Variants in TFB1M observed in about 807,000 individuals in gnomAD.
TFB1M encodes the protein transcription factor B1, mitochondrial, also known as dimethyladenosine transferase 1, mitochondrial.
In TFB1M, 27 loss-of-function variants were observed where a neutral mutation model predicts 31.1. That is an observed-to-expected ratio of 0.87 (90% CI 0.64 to 1.20). TFB1M has a LOEUF of 1.20. Among genes scored for constraint, TFB1M ranks in the 50% most tolerant of loss-of-function variants. The probability of loss-of-function intolerance (pLI) is 0.00; values close to 1 mark genes in which losing one functional copy is unlikely to be tolerated. For missense variants in TFB1M, 394 were observed against 418.7 expected (o/e 0.94, Z 0.51); for synonymous variants, 166 against 151.8 (o/e 1.09, Z -0.69).
Position 155,257,147 on chromosome 6 carries a change from A to C in TFB1M, c.*689T>G, listed in dbSNP as rs1784106321. On this transcript the variant is annotated 3_prime_UTR_variant, in exon 7 of 7. Coordinates refer to ENST00000367166, the MANE Select transcript of TFB1M (RefSeq NM_016020.4). ...TATGATTCAATCCAGATATGGGTTA[A>C]ATTCCTCATTTTACTTTTAAACTGG... 1.2e-6 allele frequency: 2 copies of C among 1,603,098 alleles called. No homozygotes were observed. The highest frequency in any genetic ancestry group is 2.2e-5 in the East Asian group (1 of 44,696).
intron 2 of TFB1M, among the ~76,000 whole-genome samples, chr6:155,310,504 C>T (rs945719705): frequency 2.0e-5 from 3 of 152,292 alleles, no homozygotes; most frequent in African/African-American, 4.8e-5. Context: ...ATCCTATGTA[C>T]CCCCAACCTT....
downstream of TFB1M, among the ~76,000 whole-genome samples, chr6:155,252,730 A>G (rs1783742668): frequency 6.6e-6 from 1 of 152,184 alleles, no homozygotes; most frequent in Admixed American, 6.5e-5. Context: ...TGAGACCTGT[A>G]ACTGCTTCTG....
chr6:155,279,296 T>C lies in TFB1M; in HGVS notation c.666+5862A>G, dbSNP rs535040565. On this transcript the variant is annotated intron_variant, in intron 5 of 6. Coordinates refer to ENST00000367166, the MANE Select transcript of TFB1M (RefSeq NM_016020.4). ...CATCTAGTAATTCTGACAAAAATGA[T>C]AGACTTAAATTAAGTCAGAAGAATT... 2.6e-5 allele frequency among the ~76,000 whole-genome samples: 4 copies of C among 152,164 alleles called. No individual in the cohort carries two copies. In the South Asian group the frequency reaches 8.3e-4, roughly 32 times the overall value.
the TFB1M span, chr6:155,244,920 C>A: frequency 8.9e-7 from 1 of 1,119,264 alleles, no homozygotes; most frequent in Non-Finnish European, 1.2e-6. Context: ...TATTTCCTTG[C>A]ACCGTTTTCC....
At chr6:155,314,257 A>C in intron 1 of TFB1M, 39 bp downstream of exon 1, 1 of 1,610,294 alleles carries the variant, frequency 6.2e-7, no homozygotes, top group Non-Finnish European at 8.5e-7. Context: ...CCCCACGGAC[A>C]CTGGGGAGAC....
At chr6:155,297,424 G>T (rs1001706909) in intron 3 of TFB1M, among the ~76,000 whole-genome samples, 34 of 152,174 alleles carry the variant, frequency 2.2e-4, no homozygotes, top group Admixed American at 2.2e-3. Flanking sequence ...TGAGGTTAAA[G>T]TGCCTATGGA....
At chr6:155,259,409 A>C (rs1784287771) in intron 6 of TFB1M, among the ~76,000 whole-genome samples, 1 of 152,244 alleles carries the variant, frequency 6.6e-6, no homozygotes, top group South Asian at 2.1e-4. Flanking sequence ...GCCATCTGGC[A>C]TCCTCAGCAA....
chr6:155,236,415 C>A, the TFB1M span, among the ~76,000 whole-genome samples: 17 of 152,116 alleles, frequency 1.1e-4, no homozygotes, highest in African/African-American at 4.1e-4. Flanking sequence ...GTAATCCCAG[C>A]ACTTTGGGAG....
At chr6:155,305,729 A>G (rs1777732790) in intron 2 of TFB1M, among the ~76,000 whole-genome samples, 1 of 112,128 alleles carries the variant, frequency 8.9e-6, no homozygotes, top group African/African-American at 3.4e-5. Flanking sequence ...ATTTATATAT[A>G]TATTAAATTA....
At chr6:155,312,752 C>A (rs1778069087) in intron 1 of TFB1M, among the ~76,000 whole-genome samples, 1 of 151,938 alleles carries the variant, frequency 6.6e-6, no homozygotes. Context: ...GAAACTTACT[C>A]CTGAAGATAA....
the TFB1M span, among the ~76,000 whole-genome samples, chr6:155,246,370 T>G: frequency 5.3e-5 from 8 of 152,264 alleles, 1 homozygote; most frequent in Admixed American, 3.3e-4. Context: ...AGTGGGGTCT[T>G]AGAGTGCTTC....
the TFB1M span, among the ~76,000 whole-genome samples, chr6:155,238,723 A>G: frequency 2.0e-5 from 3 of 152,248 alleles, no homozygotes; most frequent in Non-Finnish European, 2.9e-5. Flanking sequence ...AATGTTTATT[A>G]TAACTCTTCA....
chr6:155,243,846 C>CAAAAAAA, the TFB1M span, among the ~76,000 whole-genome samples: 17 of 55,050 alleles, frequency 3.1e-4, 1 homozygote, highest in African/African-American at 1.2e-3. Flanking sequence ...GACTCCGTCT[C>CAAAAAAA]AAAAAAAAAA....
At chr6:155,237,747 A>G in the TFB1M span, among the ~76,000 whole-genome samples, 1 of 152,318 alleles carries the variant, frequency 6.6e-6, no homozygotes, top group Admixed American at 6.5e-5. Context: ...CCTTTCAGCC[A>G]TGGTTGGAGT....
chr6:155,274,541 C>T (rs1017521399), intron 5 of TFB1M, among the ~76,000 whole-genome samples: 3 of 152,176 alleles, frequency 2.0e-5, no homozygotes, highest in Non-Finnish European at 2.9e-5. Flanking sequence ...TCAGAATAGC[C>T]GGCTTCATTT....
At chr6:155,262,331 T>C (rs1784429638) in intron 5 of TFB1M, among the ~76,000 whole-genome samples, 2 of 152,216 alleles carry the variant, frequency 1.3e-5, no homozygotes, top group Admixed American at 1.3e-4. Context: ...TGAACTATCC[T>C]GCCTACCTCG....
chr6:155,305,537 T>TA (rs1777682663), intron 2 of TFB1M, among the ~76,000 whole-genome samples: 1 of 54,532 alleles, frequency 1.8e-5, no homozygotes, highest in Non-Finnish European at 2.9e-5. Flanking sequence ...AATTATATAT[T>TA]TATATATATA....
chr6:155,285,009 G>A (rs536014078), intron 5 of TFB1M, 149 bp downstream of exon 5: 6 of 981,262 alleles, frequency 6.1e-6, no homozygotes, highest in African/African-American at 3.3e-5. Flanking sequence ...TTCATATTAC[G>A]ATTTTTGTGG....
chr6:155,309,708 A>G (rs1777938572), intron 2 of TFB1M, among the ~76,000 whole-genome samples: 1 of 152,168 alleles, frequency 6.6e-6, no homozygotes, highest in Admixed American at 6.6e-5. Context: ...TATGTCCAAA[A>G]AGGGCTACAC....
Sources: allele counts gnomAD v4.1 joint callset (sites outside exome capture counted in the v4.1 genomes callset), GRCh38; gene constraint gnomAD v4.1.1; transcripts MANE v1.5; gene names NCBI Gene and HGNC (gene_info 2026-07-23, HGNC 2026-07-21).